The following C4orf50 variants were observed in gnomAD, a reference collection of about 807,000 sequenced individuals.
The protein encoded by C4orf50 is uncharacterized protein C4orf50.
C4orf50 carries 80 observed loss-of-function variants against 77.2 expected under a neutral mutation model. The ratio of observed to expected loss-of-function variants is 1.04; its 90% CI spans 0.87 to 1.25. The LOEUF is 1.25. Among genes scored for constraint, C4orf50 ranks in the 50% most tolerant of loss-of-function variants. The probability of loss-of-function intolerance (pLI) is 0.00; values close to 1 mark genes in which losing one functional copy is unlikely to be tolerated. For missense variants in C4orf50, 1,257 were observed against 1,152.9 expected, an observed-to-expected ratio of 1.09 and a Z score of -1.31; for synonymous variants, 532 against 465.3, an observed-to-expected ratio of 1.14 and a Z score of -1.84.
chr4:5,939,112 G>C (rs1309369490), intron 7 of C4orf50, among the ~76,000 whole-genome samples: 1 of 152,066 alleles, frequency 6.6e-6, no homozygotes, highest in African/African-American at 2.4e-5. Context: ...GTGTTGGCGG[G>C]CACCTATGTA....
At chr4:5,953,117 T>C (rs1718801049), downstream of C4orf50, among the ~76,000 whole-genome samples, 1 of 152,092 alleles carries the variant, frequency 6.6e-6, no homozygotes, top group African/African-American at 2.4e-5. Context: ...CCTCCTGCCA[T>C]AGCAGAGGAG....
At chr4:5,931,670 G>A (rs190009727) in intron 7 of C4orf50, among the ~76,000 whole-genome samples, 245 of 152,188 alleles carry the variant, frequency 1.6e-3, no homozygotes, top group Non-Finnish European at 5.4e-4. Flanking sequence ...GATGTCTGAC[G>A]GGGAGGCCCA....
rs569935099 is a variant in C4orf50 at position 5,947,623 on chromosome 4, C to T, written c.*2474+9278G>A. Among the ~76,000 whole-genome samples the T allele has an allele frequency of 6.6e-5, 10 of 152,242 alleles. No individual in the cohort carries two copies. In the South Asian group the frequency reaches 1.7e-3, roughly 25 times the overall value. ...ACTGGTGAGAGGCAGAGGCAGCTCC[C>T]GCACTGCAGCCCCGAGGGCCTCCCA... On this transcript the variant is annotated intron_variant, in intron 7 of 7. Transcript: ENST00000324058.
At chr4:6,004,086 GTGA>G (rs1722043445) in intron 25 of C4orf50, among the ~76,000 whole-genome samples, 3 of 23,742 alleles carry the variant, frequency 1.3e-4, no homozygotes, top group Admixed American at 4.7e-4. Flanking sequence ...TGATGTGATA[GTGA>G]TGATGGTGAT....
intron 28 of C4orf50, among the ~76,000 whole-genome samples, chr4:5,982,796 G>A (rs1720664087): frequency 6.6e-6 from 1 of 152,094 alleles, no homozygotes; most frequent in South Asian, 2.1e-4. Flanking sequence ...GGGGGTGGGG[G>A]GAAGCTTTCT....
chr4:5,918,719 C>T (rs1717138566), intron 7 of C4orf50, among the ~76,000 whole-genome samples: 1 of 152,252 alleles, frequency 6.6e-6, no homozygotes, highest in African/African-American at 2.4e-5. Context: ...GATGACCTCT[C>T]TCCGCCCTTC....
intron 33 of C4orf50, 107 bp from the exon 12 acceptor site, chr4:5,959,733 T>C: frequency 1.5e-6 from 2 of 1,359,578 alleles, no homozygotes; most frequent in Non-Finnish European, 2.0e-6. Flanking sequence ...AGCTAACGGT[T>C]TCGGGGCACT....
rs116715674 is a variant in C4orf50 at position 5,991,685 on chromosome 4, A to T, written c.1222-861T>A. Among the ~76,000 whole-genome samples the T allele has an allele frequency of 5.8e-3, 878 of 152,208 alleles. 12 individuals are homozygous for T. The highest frequency in any genetic ancestry group is 0.02 in the African/African-American group (832 of 41,528). ...GCAGGCAGTTCTCAGTGGAGCCCCT[A>T]GAATAGCTGGGAGAGGCTGAGCAGG... On this transcript the variant is annotated intron_variant, in intron 27 of 33. Coordinates refer to ENST00000531445, the Ensembl canonical transcript of C4orf50.
chr4:5,940,819 G>C (rs987885871), intron 7 of C4orf50, among the ~76,000 whole-genome samples: 8 of 152,192 alleles, frequency 5.3e-5, no homozygotes, highest in Non-Finnish European at 1.2e-4. Context: ...TTGGAACCAT[G>C]CCTTTAGACC....
chr4:5,908,930 C>A lies in C4orf50; in HGVS notation c.*2475-10742G>T, dbSNP rs1282063090. ...GGGGTTACCTGCTCTGTCATTCACT[C>A]CCCTGAATGGCCATTGTCCCAGCCC... On this transcript the variant is annotated intron_variant, in intron 7 of 7. Transcript: ENST00000324058. The surrounding 1 kb of genome is among the most constrained non-coding windows in gnomAD (Gnocchi z 5.6). Among the ~76,000 whole-genome samples the A allele has an allele frequency of 6.6e-6, 1 of 152,150 alleles. No homozygotes were observed. The highest frequency in any genetic ancestry group is 2.4e-5 in the African/African-American group (1 of 41,440).
chr4:5,920,422 C>G (rs1018167618), intron 7 of C4orf50, among the ~76,000 whole-genome samples: 1 of 150,902 alleles, frequency 6.6e-6, no homozygotes, highest in Non-Finnish European at 1.5e-5. Context: ...CTACTTCATG[C>G]TGGTTGTGAT....
chr4:5,911,265 G>C (rs780279706), intron 7 of C4orf50, among the ~76,000 whole-genome samples: 3 of 152,146 alleles, frequency 2.0e-5, no homozygotes, highest in Non-Finnish European at 2.9e-5. Context: ...CTCAAAACCA[G>C]AACCCCCACA....
In C4orf50 at chr4:5,988,765, C is replaced by T. The variant is rs1369445775; in HGVS notation, c.3281G>A (p.Arg1094His). The change falls in exon 28 of 34, where the codon CGC becomes CAC. Residue 1094 changes from arginine (R) to histidine (H), a missense_variant. Arg to His is a conservative substitution (Grantham distance 29). Transcript: ENST00000531445. ...TTCCCTCTCCAGGACATGGACCCTG[C>T]GTAGAAGGTGCTCGTTCTCCCCACT... 18 of 1,536,114 alleles carry T rather than the reference C, an allele frequency of 1.2e-5. No individual in the cohort carries two copies. The South Asian group carries it at 1.3e-4, about 11-fold the overall frequency.
At chr4:6,004,118 GGTGATA>G (rs1167502110) in intron 25 of C4orf50, among the ~76,000 whole-genome samples, 5,330 of 82,686 alleles carry the variant, frequency 0.064, 1 homozygote, top group Non-Finnish European at 0.076. Flanking sequence ...TGGTGATGAT[GGTGATA>G]GTGATGATGG....
chr4:5,980,439 T>C, intron 28 of C4orf50, 101 bp from the exon 7 acceptor site: 1 of 1,138,722 alleles, frequency 8.8e-7, no homozygotes, highest in Non-Finnish European at 1.2e-6. Context: ...TAGTTTTTTT[T>C]TTTGTTGTTG....
Position 6,015,862 on chromosome 4 carries a change from C to T in C4orf50, c.287+2283G>A, listed in dbSNP as rs1409295046. On this transcript the variant is annotated intron_variant, in intron 23 of 33. Transcript: ENST00000531445. This position sits in a 1 kb window ranked among gnomAD's most constrained non-coding sequence, Gnocchi z 4.4. ...CCTAGACTCAACCCTCTCTGTCTCCCTCTCGCAAGGATACTTGTGATTGGT... is the reference window on the plus strand; with the variant it reads ...CCTAGACTCAACCCTCTCTGTCTCCTTCTCGCAAGGATACTTGTGATTGGT... 1.3e-5 allele frequency among the ~76,000 whole-genome samples: 2 copies of T among 152,204 alleles called. No individual in the cohort carries two copies. The highest frequency in any genetic ancestry group is 4.8e-5 in the African/African-American group (2 of 41,456).
intron 7 of C4orf50, among the ~76,000 whole-genome samples, chr4:5,948,572 G>T (rs888720245): frequency 6.6e-6 from 1 of 152,164 alleles, no homozygotes; most frequent in Middle Eastern, 3.2e-3. Context: ...CGAGGCAGGC[G>T]GATCACGAGG....
At chr4:5,920,475 CTT>C (rs527939516) in intron 7 of C4orf50, among the ~76,000 whole-genome samples, 1,291 of 128,882 alleles carry the variant, frequency 0.01, 14 homozygotes, top group African/African-American at 0.033. Context: ...ATAAACATTG[CTT>C]TTTTTTTTTT....
chr4:5,952,610 C>G (rs1049443385), downstream of C4orf50, among the ~76,000 whole-genome samples: 5 of 152,326 alleles, frequency 3.3e-5, no homozygotes, highest in South Asian at 1.0e-3. This position sits in a 1 kb window ranked among gnomAD's most constrained non-coding sequence, Gnocchi z 4.4. Context: ...CTCACCACTT[C>G]CCGTCCTTAA....
Sources: gnomAD v4.1 joint callset for allele counts (sites outside exome capture counted in the v4.1 genomes callset) on GRCh38, gnomAD v4.1.1 for gene constraint, Gnocchi (gnomAD v3.1) non-coding constraint, MANE v1.5 for transcripts, NCBI Gene and HGNC (gene_info 2026-07-23, HGNC 2026-07-21) for gene names.